NECTIN3: variants seen among roughly 807,000 people sequenced by gnomAD.
NECTIN3 encodes nectin-3.
Under a neutral mutation model 49.4 loss-of-function variants are expected in NECTIN3, and 8 were observed. The ratio of observed to expected loss-of-function variants is 0.16; its 90% CI spans 0.10 to 0.29. NECTIN3 has a LOEUF of 0.29. Among genes scored for constraint, NECTIN3 ranks in the 10% least tolerant of loss-of-function variants. The probability of loss-of-function intolerance (pLI) is 1.00; values close to 1 mark genes in which losing one functional copy is unlikely to be tolerated. For missense variants in NECTIN3, 581 were observed against 654.6 expected (o/e 0.89, Z 1.23); for synonymous variants, 277 against 241.1 (o/e 1.15, Z -1.38).
chr3:111,106,468 A>C (rs2033187156), intron 1 of NECTIN3, among the ~76,000 whole-genome samples: 1 of 152,172 alleles, frequency 6.6e-6, no homozygotes, highest in Non-Finnish European at 1.5e-5. Flanking sequence ...TGCAGTTTAT[A>C]TGTTATTTAA....
In NECTIN3 at chr3:111,133,869, G is replaced by A. The variant is rs749596338; in HGVS notation, c.1304G>A (p.Arg435His). ...TGCTATAGGAGAAGACGGACGTTTC[G>A]TGGAGACTACTTTGCCAAGAACTAC... ...IFCYRRRRTF[R>H]GDYFAKNYIP... The change falls in exon 6 of 6, where the codon CGT becomes CAT. Residue 435 changes from arginine (R) to histidine (H), a missense_variant. By Grantham distance (29) the Arg-to-His change is conservative. Transcript: ENST00000485303. The A allele has an allele frequency of 9.9e-6, 16 of 1,613,788 alleles. No homozygotes were observed. The highest frequency in any genetic ancestry group is 3.3e-5 in the South Asian group (3 of 91,082).
chr3:111,099,185 T>A (rs2032760881), intron 1 of NECTIN3, among the ~76,000 whole-genome samples: 1 of 152,176 alleles, frequency 6.6e-6, no homozygotes, highest in Non-Finnish European at 1.5e-5. Context: ...TAGTCACTAG[T>A]TTAGTTGTAG....
chr3:111,132,505 T>C (rs866147673), intron 5 of NECTIN3, among the ~76,000 whole-genome samples: 19 of 152,076 alleles, frequency 1.2e-4, no homozygotes, highest in Middle Eastern at 3.4e-3. Flanking sequence ...TTGGGTCATT[T>C]ATTTCTTTCA....
intron 2 of NECTIN3, among the ~76,000 whole-genome samples, chr3:111,114,908 C>T (rs918137421): frequency 3.3e-5 from 5 of 151,980 alleles, no homozygotes; most frequent in African/African-American, 4.8e-5. Context: ...ATAGGGCTAA[C>T]GGCAGGACTT....
chr3:111,191,891 G>T (rs939649275), upstream of NECTIN3, among the ~76,000 whole-genome samples: 1 of 152,150 alleles, frequency 6.6e-6, no homozygotes, highest in Non-Finnish European at 1.5e-5. Flanking sequence ...GAGTACAGTG[G>T]TACAATCATG....
At chr3:111,102,845 T>C (rs879907093) in intron 1 of NECTIN3, among the ~76,000 whole-genome samples, 5 of 152,200 alleles carry the variant, frequency 3.3e-5, no homozygotes, top group Admixed American at 6.5e-5. Context: ...AATCTGTGTC[T>C]AGAATTATTT....
rs2034593073 is a variant in NECTIN3, at chr3:111,136,807, A to G, written c.*2592A>G. On this transcript the variant is annotated 3_prime_UTR_variant, in exon 6 of 6. Transcript: ENST00000485303. The stretch of plus-strand genomic sequence containing the variant: ...ATACTGGTTAAAATATTTCAATGAT[A>G]TAATGAAGATGAATGCAACTCTTAT... 2 of 942,848 alleles carry G rather than the reference A, an allele frequency of 2.1e-6. No individual in the cohort carries two copies. Among genetic ancestry groups the G allele is most frequent in the Non-Finnish European group, 2.5e-6 (2 of 791,584 alleles). The allele number at this position is 942,848 out of a possible 1,614,324, so 58.4% of individuals were successfully genotyped here.
At chr3:111,075,894 C>A (rs1381016333) in intron 1 of NECTIN3, among the ~76,000 whole-genome samples, 4 of 152,024 alleles carry the variant, frequency 2.6e-5, no homozygotes, top group African/African-American at 9.7e-5. Context: ...GGAGAAGGGA[C>A]TCATAATTTG....
At chr3:111,162,865 T>G (rs893645747) in intron 7 of NECTIN3, among the ~76,000 whole-genome samples, 1 of 152,228 alleles carries the variant, frequency 6.6e-6, no homozygotes, top group Admixed American at 6.5e-5. Context: ...TTAAAGCTAT[T>G]GCCACATGTT....
At chr3:111,174,817 G>A (rs982347528) in intron 7 of NECTIN3, among the ~76,000 whole-genome samples, 1 of 152,168 alleles carries the variant, frequency 6.6e-6, no homozygotes, top group African/African-American at 2.4e-5. Flanking sequence ...CCTGCTGTCT[G>A]TAGACGGCTT....
At chr3:111,083,089 ACTTG>A in intron 1 of NECTIN3, among the ~76,000 whole-genome samples, 1 of 152,220 alleles carries the variant, frequency 6.6e-6, no homozygotes, top group Non-Finnish European at 1.5e-5. Context: ...ATGAAGCTTC[ACTTG>A]CTTGCCCACC....
chr3:111,150,931 T>A (rs1300368300), intron 7 of NECTIN3, among the ~76,000 whole-genome samples: 1 of 151,944 alleles, frequency 6.6e-6, no homozygotes, highest in African/African-American at 2.4e-5. Flanking sequence ...ATGATAAATA[T>A]AGATAGCTGT....
chr3:111,086,705 T>G (rs930943851), intron 1 of NECTIN3, among the ~76,000 whole-genome samples: 1 of 152,184 alleles, frequency 6.6e-6, no homozygotes, highest in African/African-American at 2.4e-5. Context: ...TACTTAGTCT[T>G]GTTCCTTTTT....
chr3:111,133,402 A>G (rs1264375408), intron 5 of NECTIN3, among the ~76,000 whole-genome samples: 2 of 152,098 alleles, frequency 1.3e-5, no homozygotes, highest in Admixed American at 1.3e-4. Flanking sequence ...GGTTTACACC[A>G]TAGGTTTTAT....
chr3:111,183,228 C>A (rs1002649072), intron 7 of NECTIN3, among the ~76,000 whole-genome samples: 1 of 151,738 alleles, frequency 6.6e-6, no homozygotes, highest in East Asian at 1.9e-4. Context: ...GTTTGAAGTC[C>A]GTTTTCTTCA....
intron 1 of NECTIN3, chr3:111,075,056 A>G (rs1015266765): frequency 6.6e-6 from 1 of 152,110 alleles, no homozygotes; most frequent in African/African-American, 2.4e-5. Flanking sequence ...CTGATATGAT[A>G]TGGAACTTTT....
chr3:111,150,843 T>C (rs1004495443), intron 7 of NECTIN3, among the ~76,000 whole-genome samples: 9 of 151,952 alleles, frequency 5.9e-5, no homozygotes, highest in African/African-American at 1.9e-4. Context: ...GAGATACTGT[T>C]TATATTAACC....
intron 7 of NECTIN3, among the ~76,000 whole-genome samples, chr3:111,153,581 A>G (rs1486216293): frequency 6.6e-6 from 1 of 152,126 alleles, no homozygotes; most frequent in Non-Finnish European, 1.5e-5. Flanking sequence ...ATTACTGTGC[A>G]TTTGCTGTTA....
chr3:111,075,839 A>G (rs1459962648), intron 1 of NECTIN3, among the ~76,000 whole-genome samples: 3 of 152,274 alleles, frequency 2.0e-5, no homozygotes, highest in African/African-American at 7.2e-5. Context: ...TGGCAGTTCC[A>G]TAAGGTCACT....
Sources: gnomAD v4.1 joint callset for allele counts (sites outside exome capture counted in the v4.1 genomes callset) on GRCh38, gnomAD v4.1.1 for gene constraint, MANE v1.5 for transcripts, NCBI Gene and HGNC (gene_info 2026-07-23, HGNC 2026-07-21) for gene names.